Variants in SNTG1 observed in about 807,000 individuals in gnomAD.
SNTG1 encodes the protein syntrophin gamma 1, also known as gamma-1-syntrophin.
SNTG1 carries 39 observed loss-of-function variants against 74.7 expected under a neutral mutation model. The observed-to-expected ratio is 0.52, with a 90% confidence interval of 0.40 to 0.68. The LOEUF (loss-of-function observed/expected upper bound fraction) is 0.68. Among genes scored for constraint, SNTG1 ranks in the 30% least tolerant of loss-of-function variants. The pLI, the probability that SNTG1 is intolerant of heterozygous loss-of-function variation, is 0.00. For missense variants in SNTG1, 685 were observed against 609.5 expected, an observed-to-expected ratio of 1.12 and a Z score of -1.30; for synonymous variants, 254 against 217.1, an observed-to-expected ratio of 1.17 and a Z score of -1.49.
intron 9 of SNTG1, among the ~76,000 whole-genome samples, chr8:50,508,357 T>C (rs571058404): frequency 6.6e-6 from 1 of 152,332 alleles, no homozygotes; most frequent in African/African-American, 2.4e-5. Flanking sequence ...TCTTTGCTAT[T>C]GTGAATAGTG....
chr8:50,413,405 C>T (rs532537172), intron 4 of SNTG1, among the ~76,000 whole-genome samples: 2 of 152,196 alleles, frequency 1.3e-5, no homozygotes, highest in Non-Finnish European at 2.9e-5. Context: ...TCCCTTAGCT[C>T]TCATACTGAG....
At chr8:50,266,889 T>A (rs183850596) in intron 2 of SNTG1, among the ~76,000 whole-genome samples, 28 of 151,980 alleles carry the variant, frequency 1.8e-4, no homozygotes, top group African/African-American at 6.0e-4. Context: ...CTGAAGCCAC[T>A]CCCCTTGGGT....
intron 9 of SNTG1, among the ~76,000 whole-genome samples, chr8:50,505,564 A>G (rs1250951233): frequency 1.3e-5 from 2 of 152,178 alleles, no homozygotes; most frequent in Middle Eastern, 3.4e-3. Flanking sequence ...TTGTCAGATG[A>G]TAATTCACTG....
intron 9 of SNTG1, among the ~76,000 whole-genome samples, chr8:50,522,916 C>G (rs750778147): frequency 3.9e-5 from 6 of 152,112 alleles, no homozygotes; most frequent in Non-Finnish European, 7.4e-5. Flanking sequence ...ATGTCATCTT[C>G]TTCTAATATG....
At chr8:50,207,628 T>C (rs1242972057) in intron 2 of SNTG1, among the ~76,000 whole-genome samples, 1 of 152,182 alleles carries the variant, frequency 6.6e-6, no homozygotes, top group East Asian at 1.9e-4. Flanking sequence ...TGTTTGCTCT[T>C]GCTTCTCTAG....
At chr8:50,323,462 T>G (rs1486776685) in intron 2 of SNTG1, among the ~76,000 whole-genome samples, 1 of 152,230 alleles carries the variant, frequency 6.6e-6, no homozygotes, top group East Asian at 1.9e-4. Flanking sequence ...CTTCTCAGAT[T>G]GGGCTTGTTT....
At chr8:50,709,785 G>A (rs191405446) in intron 17 of SNTG1, among the ~76,000 whole-genome samples, 1 of 152,230 alleles carries the variant, frequency 6.6e-6, no homozygotes, top group Non-Finnish European at 1.5e-5. Flanking sequence ...CTCTCATTGA[G>A]GATCTCAGTT....
intron 1 of SNTG1, among the ~76,000 whole-genome samples, chr8:50,086,377 G>T (rs1321705272): frequency 6.6e-6 from 1 of 152,146 alleles, no homozygotes; most frequent in Non-Finnish European, 1.5e-5. Flanking sequence ...CATTAGGAAG[G>T]ATTATGGACT....
At chr8:49,948,787 G>A (rs1264624608) in intron 1 of SNTG1, among the ~76,000 whole-genome samples, 3 of 152,152 alleles carry the variant, frequency 2.0e-5, no homozygotes, top group Admixed American at 2.0e-4. Context: ...TCCTCGGGCT[G>A]GAAGGCTGTC....
rs1286146173 is a variant in SNTG1, at chr8:50,657,007, C to T, written c.948C>T (p.Tyr316=). The change falls in exon 14 of 19, where the codon TAC becomes TAT. Residue 316 remains tyrosine (Y), a synonymous_variant. Coordinates refer to ENST00000642720, the MANE Select transcript of SNTG1 (RefSeq NM_018967.5). ...TFLALRGSCL[Y]KFLAPPVTTW... The stretch of plus-strand genomic sequence containing the variant: ...TGGCCCTGAGGGGCTCATGTCTCTA[C>T]AAGTTTCTGGCACCTCCAGTACGTG... 6 of 1,554,042 alleles carry T rather than the reference C, an allele frequency of 3.9e-6. No individual in the cohort carries two copies. Among genetic ancestry groups the T allele is most frequent in the Non-Finnish European group, 3.5e-6 (4 of 1,153,482 alleles).
intron 2 of SNTG1, among the ~76,000 whole-genome samples, chr8:50,297,128 A>G (rs1422077553): frequency 6.6e-6 from 1 of 152,182 alleles, no homozygotes; most frequent in East Asian, 1.9e-4. Flanking sequence ...TTCGAATGGG[A>G]AACATTTGAC....
chr8:50,118,304 GT>G (rs541297971), intron 1 of SNTG1, among the ~76,000 whole-genome samples: 1 of 147,914 alleles, frequency 6.8e-6, no homozygotes, highest in African/African-American at 2.6e-5. Flanking sequence ...TCCCCTTCAG[GT>G]TTTAAAAAAA....
intron 2 of SNTG1, among the ~76,000 whole-genome samples, chr8:50,215,401 C>CTATA (rs1023948975): frequency 6.9e-6 from 1 of 145,030 alleles, no homozygotes; most frequent in Admixed American, 7.0e-5. Context: ...TGTATATATA[C>CTATA]TATATATATA....
chr8:50,411,096 G>A lies in SNTG1; in HGVS notation c.162+8752G>A, dbSNP rs530592478. ...TCAATCAGAAGTATTTTATGTTTGC[G>A]CTTCTCCTTGTTTGGCCTTTTTGGG... On this transcript the variant is annotated intron_variant, in intron 4 of 18. Coordinates refer to ENST00000642720, the MANE Select transcript of SNTG1 (RefSeq NM_018967.5). Among the ~76,000 whole-genome samples the A allele has an allele frequency of 1.4e-4, 21 of 152,118 alleles. No individual in the cohort carries two copies. In the East Asian group the frequency reaches 3.1e-3, roughly 22 times the overall value.
At chr8:50,204,576 A>T (rs1383282561) in intron 2 of SNTG1, among the ~76,000 whole-genome samples, 3 of 152,026 alleles carry the variant, frequency 2.0e-5, no homozygotes, top group African/African-American at 7.2e-5. Flanking sequence ...TAAGATATAA[A>T]TTTTTTATTA....
chr8:50,078,569 A>C (rs979604583), intron 1 of SNTG1, among the ~76,000 whole-genome samples: 1 of 151,850 alleles, frequency 6.6e-6, no homozygotes, highest in Non-Finnish European at 1.5e-5. Flanking sequence ...TTTTACTTTA[A>C]GTTCTGGGAT....
At chr8:50,089,899 A>C (rs1742832866) in intron 1 of SNTG1, among the ~76,000 whole-genome samples, 1 of 152,214 alleles carries the variant, frequency 6.6e-6, no homozygotes, top group Admixed American at 6.5e-5. Context: ...CAGCCATCCC[A>C]TTACTGGGTA....
At chr8:50,369,602 GA>G (rs71233488) in intron 2 of SNTG1, among the ~76,000 whole-genome samples, 92 of 139,074 alleles carry the variant, frequency 6.6e-4, no homozygotes, top group Middle Eastern at 3.6e-3. Flanking sequence ...GTCCCAAAAA[GA>G]AAAAAAAAAA....
intron 2 of SNTG1, among the ~76,000 whole-genome samples, chr8:50,181,602 G>A (rs1240996802): frequency 6.6e-6 from 1 of 151,980 alleles, no homozygotes; most frequent in Non-Finnish European, 1.5e-5. Context: ...AGTATTTAAG[G>A]AAGAAAATAA....
Sources: gnomAD v4.1 joint callset for allele counts (sites outside exome capture counted in the v4.1 genomes callset) on GRCh38, gnomAD v4.1.1 for gene constraint, MANE v1.5 for transcripts, NCBI Gene and HGNC (gene_info 2026-07-23, HGNC 2026-07-21) for gene names.